The following FGF5 variants were observed in gnomAD, a reference collection of about 807,000 sequenced individuals.
FGF5 encodes fibroblast growth factor 5, also known as heparin-binding growth factor 5.
In FGF5, 23 loss-of-function variants were observed where a neutral mutation model predicts 21.8. The observed-to-expected ratio is 1.05, with a 90% CI of 0.76 to 1.49. FGF5 has a LOEUF of 1.49. Among genes scored for constraint, FGF5 ranks in the 40% most tolerant of loss-of-function variants. FGF5 has a pLI of 0.00. For missense variants in FGF5, 352 were observed against 332.9 expected (o/e 1.06, Z -0.45); for synonymous variants, 158 against 124.0 (o/e 1.27, Z -1.82).
chr4:80,270,802 C>A (rs1720250880), intron 1 of FGF5, among the ~76,000 whole-genome samples: 1 of 152,140 alleles, frequency 6.6e-6, no homozygotes, highest in Admixed American at 6.5e-5. Context: ...ATTCCAAGCA[C>A]ATATTTTGGT....
chr4:80,278,430 G>T (rs984022710), intron 2 of FGF5, among the ~76,000 whole-genome samples: 2 of 152,032 alleles, frequency 1.3e-5, no homozygotes, highest in Non-Finnish European at 2.9e-5. Context: ...TAGAGAAGAG[G>T]GGATGTGTCT....
chr4:80,267,285 C>A, intron 1 of FGF5, 106 bp downstream of exon 1: 1 of 876,394 alleles, frequency 1.1e-6, no homozygotes, highest in Non-Finnish European at 1.7e-6. Flanking sequence ...TGAGCCCAGG[C>A]CACTGGGACC....
chr4:80,280,808 A>G (rs563619806), intron 2 of FGF5, among the ~76,000 whole-genome samples: 14 of 152,178 alleles, frequency 9.2e-5, no homozygotes, highest in Non-Finnish European at 1.8e-4. Context: ...CCTTACTTCA[A>G]GGGTATCAAA....
At chr4:80,267,299 C>A in intron 1 of FGF5, 120 bp downstream of exon 1, 2 of 785,912 alleles carry the variant, frequency 2.5e-6, no homozygotes, top group Non-Finnish European at 2.0e-6. Context: ...TGGGACCAAG[C>A]TGATACTCAG....
Position 80,288,353 on chromosome 4 carries a change from C to T in FGF5, c.*1681C>T, listed in dbSNP as rs1720799065. 6.6e-6 allele frequency: 1 copy of T among 151,830 alleles called. No homozygotes were observed. The highest frequency in any genetic ancestry group is 2.1e-4 in the South Asian group (1 of 4,806). 9.4% of individuals were successfully genotyped at this position (151,830 alleles called of 1,614,324 possible). A position where few individuals can be genotyped will look rare whatever the true frequency, so the allele number is the denominator to read the frequency against. On this transcript the variant is annotated 3_prime_UTR_variant, in exon 3 of 3. Coordinates refer to ENST00000312465, the MANE Select transcript of FGF5 (RefSeq NM_004464.4). The stretch of plus-strand genomic sequence containing the variant: ...ACAAATAATATATTAAAAAACCCAT[C>T]CATCAACTAAAACATTATATGTATA...
intron 1 of FGF5, among the ~76,000 whole-genome samples, chr4:80,270,530 G>T (rs1439740270): frequency 2.6e-5 from 4 of 152,142 alleles, no homozygotes; most frequent in Non-Finnish European, 5.9e-5. Flanking sequence ...CACAGAAAAT[G>T]AAATCAAGCT....
At chr4:80,281,620 T>G (rs1164108755) in intron 2 of FGF5, among the ~76,000 whole-genome samples, 2 of 152,158 alleles carry the variant, frequency 1.3e-5, no homozygotes, top group Non-Finnish European at 2.9e-5. Context: ...CCTACATATT[T>G]AGTTCTGTAG....
chr4:80,272,422 T>C (rs1015281396), intron 1 of FGF5, among the ~76,000 whole-genome samples: 1 of 152,086 alleles, frequency 6.6e-6, no homozygotes, highest in Non-Finnish European at 1.5e-5. Flanking sequence ...ATACACAGAG[T>C]GTACACTGTA....
chr4:80,275,048 A>G (rs748193632), intron 2 of FGF5, 36 bp downstream of exon 2: 5 of 873,174 alleles, frequency 5.7e-6, no homozygotes, highest in Admixed American at 2.4e-5. Flanking sequence ...TAAAGGTGCT[A>G]TAAAGATTTT....
At chr4:80,272,131 A>G (rs1027701654) in intron 1 of FGF5, among the ~76,000 whole-genome samples, 1 of 152,224 alleles carries the variant, frequency 6.6e-6, no homozygotes, top group African/African-American at 2.4e-5. Context: ...AAAGTTACTC[A>G]CGTGAAAAAT....
At chr4:80,272,462 G>T (rs1720296269) in intron 1 of FGF5, among the ~76,000 whole-genome samples, 1 of 151,852 alleles carries the variant, frequency 6.6e-6, no homozygotes, top group Admixed American at 6.6e-5. Flanking sequence ...CATCTAAATG[G>T]GTCTTTGTTT....
chr4:80,281,906 A>C (rs916865462), intron 2 of FGF5, among the ~76,000 whole-genome samples: 1 of 152,106 alleles, frequency 6.6e-6, no homozygotes, highest in Non-Finnish European at 1.5e-5. Flanking sequence ...TGTTGTTTAA[A>C]ATTGATCCTT....
intron 2 of FGF5, among the ~76,000 whole-genome samples, chr4:80,278,074 T>C (rs1238359533): frequency 6.6e-6 from 1 of 152,190 alleles, no homozygotes; most frequent in Admixed American, 6.5e-5. Flanking sequence ...GAATTTTCTC[T>C]TTCTTTTTAA....
chr4:80,266,849 C>T lies in FGF5; in HGVS notation c.25C>T (p.Leu9Phe). 6.2e-7 allele frequency: 1 copy of T among 1,600,272 alleles called. No individual in the cohort carries two copies. Among genetic ancestry groups the T allele is most frequent in the African/African-American group, 1.3e-5 (1 of 74,568 alleles). The change falls in exon 1 of 3, where the codon CTC (leucine) becomes TTC (phenylalanine). Residue 9 changes from leucine (L) to phenylalanine (F), a missense_variant. Coordinates refer to ENST00000312465, the MANE Select transcript of FGF5 (RefSeq NM_004464.4). Reference sequence around the variant, plus strand: ...AATGAGCTTGTCCTTCCTCCTCCTCCTCTTCTTCAGCCACCTGATCCTCAG... The same window carrying T: ...AATGAGCTTGTCCTTCCTCCTCCTCTTCTTCTTCAGCCACCTGATCCTCAG... MSLSFLLLLFFSHLILSAW... is the reference protein window; with the variant it reads MSLSFLLLFFFSHLILSAW...
At chr4:80,286,269 T>C in intron 2 of FGF5, 56 bp from the exon 3 acceptor site, 1 of 1,213,564 alleles carries the variant, frequency 8.2e-7, no homozygotes. Context: ...TTATGTTTTA[T>C]TACATGCTGA....
In FGF5 at chr4:80,288,435, G is replaced by A. The variant is rs1720800874; in HGVS notation, c.*1763G>A. ...TATCTGATTAAGCATTCTTTCCACT[G>A]AATGCATAATGTTTAAATAGCATAA... On this transcript the variant is annotated 3_prime_UTR_variant, in exon 3 of 3. Transcript: ENST00000312465. The A allele has an allele frequency of 6.6e-6, 1 of 151,970 alleles. No homozygotes were observed. Among genetic ancestry groups the A allele is most frequent in the Admixed American group, 6.6e-5 (1 of 15,224 alleles). 9.4% of individuals were successfully genotyped at this position (151,970 alleles called of 1,614,324 possible).
chr4:80,269,505 A>G (rs1720208865), intron 1 of FGF5, among the ~76,000 whole-genome samples: 1 of 152,228 alleles, frequency 6.6e-6, no homozygotes, highest in Admixed American at 6.5e-5. Flanking sequence ...TAAACAAGAC[A>G]TTGACCACTA....
At chr4:80,268,230 T>A (rs1720154868) in intron 1 of FGF5, 1 of 152,578 alleles carries the variant, frequency 6.6e-6, no homozygotes, top group African/African-American at 2.4e-5. Context: ...TTTGGGGCTG[T>A]GAGTAGGAGT....
chr4:80,286,531 G>A lies in FGF5; in HGVS notation c.666G>A (p.Ser222=), dbSNP rs3733335. The part of the protein sequence containing the change: ...STHFLPRFKQ[S]EQPELSFTVT... ...ATTTTCTGCCAAGATTCAAGCAGTC[G>A]GAGCAGCCAGAACTTTCTTTCACGG... The change falls in exon 3 of 3, where the codon TCG becomes TCA. Residue 222 remains serine, a synonymous_variant. Transcript: ENST00000312465. 46 of 1,613,730 alleles carry A rather than the reference G, an allele frequency of 2.9e-5. No homozygotes were observed. The East Asian group carries it at 8.2e-4, about 29-fold the overall frequency.
Sources: allele counts gnomAD v4.1 joint callset (sites outside exome capture counted in the v4.1 genomes callset), GRCh38; gene constraint gnomAD v4.1.1; transcripts MANE v1.5; gene names NCBI Gene and HGNC (gene_info 2026-07-23, HGNC 2026-07-21).